Variants in ANO9 observed in about 807,000 individuals in gnomAD.
ANO9 encodes the protein anoctamin-9.
Under a neutral mutation model 100.5 loss-of-function variants are expected in ANO9, and 80 were observed. The observed-to-expected ratio is 0.80, with a 90% CI of 0.66 to 0.96. The LOEUF is 0.96. Ranked by LOEUF, ANO9 falls within the 40% of genes least tolerant of loss-of-function variation. The pLI is 0.00. For missense variants in ANO9, 1,064 were observed against 1,072.7 expected, an observed-to-expected ratio of 0.99 and a Z score of 0.11; for synonymous variants, 473 against 435.6, an observed-to-expected ratio of 1.09 and a Z score of -1.07.
At chr11:419,421 T>A (rs762476854) in intron 20 of ANO9, 161 bp downstream of exon 20, 1 of 1,426,952 alleles carries the variant, frequency 7.0e-7, no homozygotes, top group Non-Finnish European at 9.1e-7. Flanking sequence ...CTGCCGTCAG[T>A]GGGCGCAGGG....
rs1001898736 is a variant in ANO9, at chr11:430,187, G to A, written c.675-8C>T. On this transcript the variant is annotated splice_polypyrimidine_tract_variant and splice_region_variant and intron_variant, in intron 8 of 22. Transcript: ENST00000332826. ...GCCTCACAGATCTCCTTGCTGAAGG[G>A]GCAGGGATGAGGCTGGGGTCGGCTC... The A allele has an allele frequency of 3.2e-6, 5 of 1,551,160 alleles. No individual in the cohort carries two copies. Among genetic ancestry groups the A allele is most frequent in the Non-Finnish European group, 4.4e-6 (5 of 1,147,672 alleles).
Position 421,223 on chromosome 11 carries a change from G to A in ANO9, c.1335-25C>T. 6.6e-7 allele frequency: 1 copy of A among 1,507,706 alleles called. No homozygotes were observed. The highest frequency in any genetic ancestry group is 8.9e-7 in the Non-Finnish European group (1 of 1,125,926). 93.4% of individuals were successfully genotyped at this position (1,507,706 alleles called of 1,614,324 possible). The stretch of plus-strand genomic sequence containing the variant: ...CCTGGGGAGGAAGGGGAAGTCTGGG[G>A]CACTGCGGGCAGCGCCCTGCCTCTG... On this transcript the variant is annotated intron_variant, in intron 15 of 22. Transcript: ENST00000332826. This position sits in a 1 kb window ranked among gnomAD's most constrained non-coding sequence, Gnocchi z 6.8.
chr11:424,446 C>T (rs1169578070), intron 15 of ANO9, among the ~76,000 whole-genome samples: 2 of 152,196 alleles, frequency 1.3e-5, no homozygotes, highest in Non-Finnish European at 2.9e-5. Context: ...CTCTGGTCCT[C>T]AGTCATCTAT....
At chr11:437,340 C>T (rs893477177) in intron 1 of ANO9, among the ~76,000 whole-genome samples, 4 of 152,164 alleles carry the variant, frequency 2.6e-5, no homozygotes, top group Admixed American at 6.5e-5. Flanking sequence ...GCCCCGGTCA[C>T]AGGGAGATGG....
chr11:435,800 GATAGCATAGT>G (rs1488175421), intron 1 of ANO9, among the ~76,000 whole-genome samples: 1 of 145,434 alleles, frequency 6.9e-6, no homozygotes, highest in African/African-American at 2.6e-5. Flanking sequence ...TATAGCATAG[GATAGCATAGT>G]ATAGCATAGC....
rs1001760680 is a variant in ANO9 at position 434,132 on chromosome 11, G to A, written c.7-34C>T. On this transcript the variant is annotated intron_variant, in intron 1 of 22. Transcript: ENST00000332826. Reference sequence around the variant, plus strand: ...TTGGGGGCAGAGAAAGGGATAGGAGGATGTGATTGGGGGCTAGATGCCCCT... The same window carrying A: ...TTGGGGGCAGAGAAAGGGATAGGAGAATGTGATTGGGGGCTAGATGCCCCT... 1.7e-5 allele frequency: 27 copies of A among 1,545,976 alleles called. No individual in the cohort carries two copies. In the Admixed American group the frequency reaches 4.3e-4, roughly 25 times the overall value.
At chr11:419,862 G>T in intron 19 of ANO9, 133 bp from the exon 20 acceptor site, 4 of 1,448,658 alleles carry the variant, frequency 2.8e-6, no homozygotes, top group Non-Finnish European at 3.6e-6. Context: ...TAGGGCTGCA[G>T]TATTCACAAG....
chr11:436,058 C>CT (rs1849509253), intron 1 of ANO9, among the ~76,000 whole-genome samples: 2 of 117,250 alleles, frequency 1.7e-5, no homozygotes, highest in Non-Finnish European at 3.7e-5. Context: ...TTTTTCTTTT[C>CT]TTTCCTTTTT....
At chr11:430,756 C>CTCCCGCGG (rs1848883029) in intron 7 of ANO9, among the ~76,000 whole-genome samples, 1 of 66,770 alleles carries the variant, frequency 1.5e-5, no homozygotes, top group East Asian at 3.8e-4. Context: ...TGTGTGGGGG[C>CTCCCGCGG]GTTTACAGGA....
In ANO9 at chr11:442,010, G is replaced by A. The variant is rs1048791525; in HGVS notation, c.-84C>T. On this transcript the variant is annotated 5_prime_UTR_variant, in exon 1 of 23. In the 5' UTR this introduces an upstream ATG that the reference lacks. Transcript: ENST00000332826. ...GCGGGTGCTCCTACCTGACTTCCGCGTGGGGCTCGCCCCTCCCTCCTCCTC... is the reference window on the plus strand; with the variant it reads ...GCGGGTGCTCCTACCTGACTTCCGCATGGGGCTCGCCCCTCCCTCCTCCTC... The A allele has an allele frequency of 5.1e-6, 8 of 1,554,216 alleles. No homozygotes were observed. In the East Asian group the frequency reaches 1.1e-4, roughly 22 times the overall value.
At position 433,326 on chromosome 11, in the gene ANO9, G is replaced by A. The variant is rs115130824; in HGVS notation, c.338C>T (p.Pro113Leu). ...TGCAGCCTCTCACCTCGTGGTGACCGGGATGGTGGTCGGCGCGGCCAGCTC... is the reference window on the plus strand; with the variant it reads ...TGCAGCCTCTCACCTCGTGGTGACCAGGATGGTGGTCGGCGCGGCCAGCTC... Reference protein sequence around the residue: ...HAELAAPTTIPVTTSLRIRIV... With the variant: ...HAELAAPTTILVTTSLRIRIV... The change falls in exon 4 of 23, where the codon CCG becomes CTG. Residue 113 changes from proline (P) to leucine (L), a missense_variant. Coordinates refer to ENST00000332826, the MANE Select transcript of ANO9 (RefSeq NM_001012302.3). 82 of 1,612,268 alleles carry A rather than the reference G, an allele frequency of 5.1e-5. No homozygotes were observed. The Middle Eastern group carries it at 6.6e-4, about 13-fold the overall frequency.
intron 1 of ANO9, among the ~76,000 whole-genome samples, chr11:441,349 C>T (rs910801780): frequency 6.6e-6 from 1 of 152,188 alleles, no homozygotes; most frequent in African/African-American, 2.4e-5. Flanking sequence ...AATCGGAATC[C>T]AGCAGCAGCA....
At position 433,378 on chromosome 11, in the gene ANO9, C is replaced by T. The variant is rs1849178875; in HGVS notation, c.286G>A (p.Glu96Lys). ...GCGTGGGGGGCAGGCCCCTCAGGCT[C>T]CAGGAGGAGAGTGCGGTACAGGCCA... ...VFGLYRTLLL[E>K]PEGPAPHAEL... Residue 96 changes from glutamate to lysine, a missense_variant, in exon 4 of 23, where the codon GAG becomes AAG. Coordinates refer to ENST00000332826, the MANE Select transcript of ANO9 (RefSeq NM_001012302.3). 1 of 1,613,112 alleles carries T rather than the reference C, an allele frequency of 6.2e-7. No homozygotes were observed. Among genetic ancestry groups the T allele is most frequent in the Non-Finnish European group, 8.5e-7 (1 of 1,179,894 alleles).
Position 422,967 on chromosome 11 carries a change from T to C in ANO9, c.1335-1769A>G, listed in dbSNP as rs973840444. On this transcript the variant is annotated intron_variant, in intron 15 of 22. Coordinates refer to ENST00000332826, the MANE Select transcript of ANO9 (RefSeq NM_001012302.3). This position sits in a 1 kb window ranked among gnomAD's most constrained non-coding sequence, Gnocchi z 4.3. ...GCCTCAGCCTCCTGAGTAGCTGGGA[T>C]TACAGGTGCGCGCCACCACGCCTGG... Among the ~76,000 whole-genome samples the C allele has an allele frequency of 4.6e-5, 7 of 151,894 alleles. No homozygotes were observed. The highest frequency in any genetic ancestry group is 1.7e-4 in the African/African-American group (7 of 41,334).
At chr11:435,553 AGT>A (rs1849426722) in intron 1 of ANO9, among the ~76,000 whole-genome samples, 1 of 134,158 alleles carries the variant, frequency 7.5e-6, no homozygotes, top group Non-Finnish European at 1.6e-5. Context: ...AGTATGGTCT[AGT>A]CTAGTCTAGT....
intron 1 of ANO9, among the ~76,000 whole-genome samples, chr11:436,063 CTTTTTTTTTTTT>C (rs10707508): frequency 2.0e-5 from 2 of 99,282 alleles, no homozygotes; most frequent in African/African-American, 4.1e-5. Flanking sequence ...CTTTTCTTTC[CTTTTTTTTTTTT>C]TTTTTTTTTG....
At chr11:427,719 C>G (rs563960822) in intron 15 of ANO9, among the ~76,000 whole-genome samples, 11 of 152,002 alleles carry the variant, frequency 7.2e-5, no homozygotes, top group Non-Finnish European at 1.6e-4. Flanking sequence ...CTCTCTCTCT[C>G]TCTCTCTCAT....
At chr11:441,063 C>G (rs1040558399) in intron 1 of ANO9, among the ~76,000 whole-genome samples, 5 of 152,162 alleles carry the variant, frequency 3.3e-5, no homozygotes, top group African/African-American at 1.2e-4. Flanking sequence ...GCATCAGGTG[C>G]TGGGCTGAGC....
rs562302766 is a variant in ANO9, at chr11:434,459, C to A, written c.7-361G>T. Among the ~76,000 whole-genome samples the A allele has an allele frequency of 2.7e-3, 416 of 152,340 alleles. 1 individual carries two copies. Among genetic ancestry groups the A allele is most frequent in the Non-Finnish European group, 4.2e-3 (284 of 68,036 alleles). On this transcript the variant is annotated intron_variant, in intron 1 of 22. Transcript: ENST00000332826. ...AAACGCAGGTCAGAGGACCAGGAGACCAATGCACGGGAGAAGCCACAGGCG... is the reference window on the plus strand; with the variant it reads ...AAACGCAGGTCAGAGGACCAGGAGAACAATGCACGGGAGAAGCCACAGGCG...
Sources: gnomAD v4.1 joint callset for allele counts (sites outside exome capture counted in the v4.1 genomes callset) on GRCh38, gnomAD v4.1.1 for gene constraint, Gnocchi (gnomAD v3.1) non-coding constraint, MANE v1.5 for transcripts, NCBI Gene and HGNC (gene_info 2026-07-23, HGNC 2026-07-21) for gene names.